TTC39C: variants seen among roughly 807,000 people sequenced by gnomAD.
TTC39C encodes the protein tetratricopeptide repeat protein 39C.
Under a neutral mutation model 76.3 loss-of-function variants are expected in TTC39C, and 33 were observed. That is an observed-to-expected ratio of 0.43 (90% CI 0.33 to 0.58). The LOEUF is 0.58. TTC39C is among the 20% of genes least tolerant of loss of function. TTC39C has a pLI of 0.04. For synonymous variants in TTC39C, 254 were observed against 260.6 expected (o/e 0.97, Z 0.24); for missense variants, 595 against 701.4 (o/e 0.85, Z 1.71).
intron 6 of TTC39C, among the ~76,000 whole-genome samples, chr18:24,110,043 G>A (rs2084791983): frequency 6.6e-6 from 1 of 151,998 alleles, no homozygotes; most frequent in African/African-American, 2.4e-5. Context: ...ATAAATATTA[G>A]CAAATTAAAT....
intron 6 of TTC39C, among the ~76,000 whole-genome samples, chr18:24,088,501 G>A (rs1173352260): frequency 6.6e-6 from 1 of 152,180 alleles, no homozygotes; most frequent in Admixed American, 6.5e-5. Context: ...AGGCTAGGGA[G>A]TCCTGCAACG....
chr18:24,082,010 CTGTTGTT>C (rs2084380842), intron 5 of TTC39C, among the ~76,000 whole-genome samples: 1 of 146,152 alleles, frequency 6.8e-6, no homozygotes, highest in Admixed American at 6.8e-5. Context: ...TTTTGTCTGG[CTGTTGTT>C]TTTTTTTTTT....
chr18:24,006,984 A>T (rs568104198), intron 1 of TTC39C, among the ~76,000 whole-genome samples: 4 of 152,178 alleles, frequency 2.6e-5, no homozygotes, highest in Non-Finnish European at 4.4e-5. Flanking sequence ...GAAAAACCAG[A>T]GTATCAGGCT....
chr18:24,069,132 T>C (rs2084205507), intron 3 of TTC39C, 25 bp from the exon 4 acceptor site: 1 of 1,548,490 alleles, frequency 6.5e-7, no homozygotes, highest in Non-Finnish European at 8.9e-7. Context: ...GATTTATCAG[T>C]GTGGACATTC....
intron 1 of TTC39C, among the ~76,000 whole-genome samples, chr18:24,027,541 C>T (rs1032163722): frequency 6.6e-6 from 1 of 151,064 alleles, no homozygotes; most frequent in African/African-American, 2.4e-5. Context: ...TCATCAGCTG[C>T]ACACATCTCT....
intron 2 of TTC39C, 23 bp from the exon 3 acceptor site, chr18:24,065,989 A>C: frequency 6.5e-7 from 1 of 1,535,920 alleles, no homozygotes; most frequent in East Asian, 2.5e-5. Flanking sequence ...TCATTCATTC[A>C]TTCATTCTTT....
rs568941875 is a variant in TTC39C at position 24,022,995 on chromosome 18, G to A, written c.167+7957G>A. ...CACATCTGCCTGTCTGCATGAGAGGGCTGAGATGCTAGAGTTGGGTAATAC... is the reference window on the plus strand; with the variant it reads ...CACATCTGCCTGTCTGCATGAGAGGACTGAGATGCTAGAGTTGGGTAATAC... On this transcript the variant is annotated intron_variant, in intron 1 of 13. Coordinates refer to ENST00000317571, the MANE Select transcript of TTC39C (RefSeq NM_001135993.2). 67 of 576,904 alleles carry A rather than the reference G, an allele frequency of 1.2e-4. No homozygotes were observed. The African/African-American group carries it at 1.2e-3, about 11-fold the overall frequency. 35.7% of individuals were successfully genotyped at this position (576,904 alleles called of 1,614,324 possible). A position where few individuals can be genotyped will look rare whatever the true frequency, so the allele number is the denominator to read the frequency against.
At chr18:24,091,211 G>C (rs1283744586) in intron 6 of TTC39C, among the ~76,000 whole-genome samples, 1 of 152,230 alleles carries the variant, frequency 6.6e-6, no homozygotes, top group African/African-American at 2.4e-5. Flanking sequence ...CCAGCACTCT[G>C]GGAGGCCAGG....
intron 1 of TTC39C, among the ~76,000 whole-genome samples, chr18:24,050,291 C>CT (rs748320551): frequency 3.5e-4 from 53 of 152,188 alleles, no homozygotes; most frequent in Non-Finnish European, 6.2e-4. Flanking sequence ...GAAATGTGGC[C>CT]TGGTGCAGTG....
intron 1 of TTC39C, among the ~76,000 whole-genome samples, chr18:24,000,819 C>A (rs1017852093): frequency 1.3e-5 from 2 of 152,090 alleles, no homozygotes; most frequent in Non-Finnish European, 2.9e-5. Context: ...TTGCACAGGG[C>A]CCCCCAAATT....
intron 1 of TTC39C, among the ~76,000 whole-genome samples, chr18:23,997,424 G>A (rs1019312309): frequency 2.0e-5 from 3 of 151,710 alleles, no homozygotes; most frequent in South Asian, 2.1e-4. Flanking sequence ...GGTCGTGGGC[G>A]CCTGTAATCC....
At chr18:24,086,693 A>G (rs1429605623) in intron 6 of TTC39C, among the ~76,000 whole-genome samples, 1 of 152,174 alleles carries the variant, frequency 6.6e-6, no homozygotes, top group African/African-American at 2.4e-5. Context: ...CTGCGTGTCT[A>G]TAGTACTGTG....
intron 6 of TTC39C, among the ~76,000 whole-genome samples, chr18:24,099,749 C>T (rs1443575235): frequency 6.6e-6 from 1 of 151,954 alleles, no homozygotes; most frequent in Non-Finnish European, 1.5e-5. Context: ...TCTTATGTAA[C>T]TTACTGCTGT....
intron 1 of TTC39C, among the ~76,000 whole-genome samples, chr18:24,003,575 C>T (rs544910488): frequency 5.9e-5 from 9 of 152,058 alleles, no homozygotes; most frequent in Admixed American, 3.3e-4. Flanking sequence ...TATTGGATGA[C>T]GTCTGGGATA....
chr18:24,054,569 T>G (rs2083993030), intron 1 of TTC39C, among the ~76,000 whole-genome samples: 1 of 152,154 alleles, frequency 6.6e-6, no homozygotes, highest in Non-Finnish European at 1.5e-5. Context: ...TTCACAACAA[T>G]TTTTTTCATT....
At chr18:24,004,709 G>A (rs1425770259) in intron 1 of TTC39C, among the ~76,000 whole-genome samples, 3 of 152,132 alleles carry the variant, frequency 2.0e-5, no homozygotes, top group Non-Finnish European at 2.9e-5. Flanking sequence ...CCTAGGCAAG[G>A]ATGTGAGCAT....
chr18:24,063,662 C>T (rs1406968069), intron 1 of TTC39C, among the ~76,000 whole-genome samples: 4 of 151,694 alleles, frequency 2.6e-5, no homozygotes, highest in South Asian at 2.1e-4. Flanking sequence ...TACAGACACC[C>T]GCCACCACTT....
upstream of TTC39C, among the ~76,000 whole-genome samples, chr18:24,010,045 G>T (rs2083383176): frequency 6.6e-6 from 1 of 152,250 alleles, no homozygotes; most frequent in Admixed American, 6.5e-5. Flanking sequence ...GAAGGAACTT[G>T]CTGTATGGTT....
chr18:24,059,210 T>G (rs541753830), intron 1 of TTC39C, among the ~76,000 whole-genome samples: 6 of 152,374 alleles, frequency 3.9e-5, no homozygotes, highest in Admixed American at 1.3e-4. Flanking sequence ...TAAATTTGTT[T>G]AATTTTTTAA....
Sources: gnomAD v4.1 joint callset for allele counts (sites outside exome capture counted in the v4.1 genomes callset) on GRCh38, gnomAD v4.1.1 for gene constraint, MANE v1.5 for transcripts, NCBI Gene and HGNC (gene_info 2026-07-23, HGNC 2026-07-21) for gene names.